Variants in CNTNAP5 observed in about 807,000 individuals in gnomAD.
CNTNAP5 encodes the protein contactin associated protein family member 5.
CNTNAP5 carries 72 observed loss-of-function variants against 150.2 expected under a neutral mutation model. That is an observed-to-expected ratio of 0.48 (90% CI 0.40 to 0.58). The LOEUF (loss-of-function observed/expected upper bound fraction) is 0.58. CNTNAP5 is among the 20% of genes least tolerant of loss of function. CNTNAP5 has a pLI of 0.00. For synonymous variants in CNTNAP5, 672 were observed against 619.8 expected (o/e 1.08, Z -1.25); for missense variants, 1,636 against 1,626.2 (o/e 1.01, Z -0.10).
At chr2:124,689,489 G>T (rs1558736467) in intron 13 of CNTNAP5, among the ~76,000 whole-genome samples, 1 of 152,104 alleles carries the variant, frequency 6.6e-6, no homozygotes, top group Non-Finnish European at 1.5e-5. Flanking sequence ...TCTGGTATTT[G>T]CATGTGTGTC....
intron 11 of CNTNAP5, among the ~76,000 whole-genome samples, chr2:124,605,549 G>A (rs1697083911): frequency 6.6e-6 from 1 of 152,020 alleles, no homozygotes. Flanking sequence ...GAGTGTGGTG[G>A]CTCACACCTG....
intron 1 of CNTNAP5, among the ~76,000 whole-genome samples, chr2:124,102,877 T>G (rs1683095312): frequency 6.6e-6 from 1 of 152,186 alleles, no homozygotes; most frequent in Admixed American, 6.5e-5. Flanking sequence ...ACAATAAATA[T>G]TAGCTCTTCT....
At chr2:124,147,676 T>C (rs373895535) in intron 1 of CNTNAP5, among the ~76,000 whole-genome samples, 4 of 152,268 alleles carry the variant, frequency 2.6e-5, no homozygotes, top group Admixed American at 2.0e-4. Flanking sequence ...AACAGCTCCA[T>C]TGAGGGGATG....
In CNTNAP5 at chr2:124,680,201, A is replaced by G. The variant is rs185457902; in HGVS notation, c.2077+32243A>G. On this transcript the variant is annotated intron_variant, in intron 13 of 23. Coordinates refer to ENST00000682447, the MANE Select transcript of CNTNAP5 (RefSeq NM_001367498.1). ...TCCCTCAAGGTTCAGCATAAATGTC[A>G]TGTACTCTGGAAGGTCTTCTTGAAT... 7.2e-4 allele frequency among the ~76,000 whole-genome samples: 110 copies of G among 151,934 alleles called. 1 individual carries two copies. The highest frequency in any genetic ancestry group is 1.5e-4 in the Non-Finnish European group (10 of 68,020).
rs1681016676 is a variant in CNTNAP5, at chr2:124,764,066, T to G, written c.2452T>G (p.Phe818Val). ...TGCGGAATTCAGTGCCGATATTTCC[T>G]TCTTTTTTAAAACCACAGCATTATC... ...FHAEFSADIS[F>V]FFKTTALSGV... The change falls in exon 16 of 24, where the codon TTC becomes GTC. Residue 818 changes from phenylalanine (F) to valine (V), a missense_variant. By Grantham distance (50) the Phe-to-Val change is conservative. Coordinates refer to ENST00000682447, the MANE Select transcript of CNTNAP5 (RefSeq NM_001367498.1). The G allele has an allele frequency of 6.2e-7, 1 of 1,613,250 alleles. No individual in the cohort carries two copies. The highest frequency in any genetic ancestry group is 8.5e-7 in the Non-Finnish European group (1 of 1,179,450).
intron 11 of CNTNAP5, among the ~76,000 whole-genome samples, chr2:124,564,595 C>G (rs1695970940): frequency 6.6e-6 from 1 of 152,074 alleles, no homozygotes; most frequent in South Asian, 2.1e-4. Flanking sequence ...ACCTCGTGTT[C>G]CGCCTGCCTC....
intron 6 of CNTNAP5, among the ~76,000 whole-genome samples, chr2:124,451,815 G>T (rs1692988810): frequency 6.6e-6 from 1 of 152,128 alleles, no homozygotes; most frequent in South Asian, 2.1e-4. Flanking sequence ...TAGATTACGG[G>T]AGAAGATTTT....
At position 124,142,154 on chromosome 2, in the gene CNTNAP5, C is replaced by T. The variant is rs553837057; in HGVS notation, c.83-79551C>T. Among the ~76,000 whole-genome samples, 205 of 125,702 alleles carry T rather than the reference C, an allele frequency of 1.6e-3. 1 individual carries two copies. The highest frequency in any genetic ancestry group is 2.7e-3 in the Non-Finnish European group (161 of 60,592). The allele number at this position is 125,702 out of a possible 152,430, so 82.5% of individuals were successfully genotyped here. On this transcript the variant is annotated intron_variant, in intron 1 of 23. Coordinates refer to ENST00000682447, the MANE Select transcript of CNTNAP5 (RefSeq NM_001367498.1). The stretch of plus-strand genomic sequence containing the variant: ...GATTCATAAAGCAAGTCCTGAGTGA[C>T]CTACAAAGAGACTTAGACTCCCACA...
At chr2:124,385,312 T>C (rs779148894) in intron 3 of CNTNAP5, among the ~76,000 whole-genome samples, 1 of 152,176 alleles carries the variant, frequency 6.6e-6, no homozygotes, top group African/African-American at 2.4e-5. Flanking sequence ...ATGTGCCTAT[T>C]ATTCACTGTG....
chr2:124,077,574 C>T (rs1439135), intron 1 of CNTNAP5, among the ~76,000 whole-genome samples: 42,516 of 152,094 alleles, frequency 0.28, 6,362 homozygotes, highest in Admixed American at 0.36. Context: ...GTGTTCACTA[C>T]AGGAAGCCTA....
At chr2:124,721,514 T>TAAATAAATAAATAAATAAATAAATA (rs778612928) in intron 13 of CNTNAP5, among the ~76,000 whole-genome samples, 133 of 148,734 alleles carry the variant, frequency 8.9e-4, no homozygotes, top group African/African-American at 3.2e-3. Context: ...AATAAATACA[T>TAAATAAATAAATAAATAAATAAATA]AAATAAATAT....
intron 21 of CNTNAP5, among the ~76,000 whole-genome samples, chr2:124,885,455 A>G (rs1678059379): frequency 1.3e-5 from 2 of 151,888 alleles, no homozygotes; most frequent in African/African-American, 4.8e-5. Flanking sequence ...AACGCACATA[A>G]AATTAACCAT....
chr2:124,619,094 G>A (rs762221548), intron 12 of CNTNAP5, among the ~76,000 whole-genome samples: 4 of 152,104 alleles, frequency 2.6e-5, no homozygotes, highest in African/African-American at 9.7e-5. Flanking sequence ...GGTAGTTCTC[G>A]GCTTCATACC....
At chr2:124,632,858 A>G (rs1677892923) in intron 12 of CNTNAP5, among the ~76,000 whole-genome samples, 1 of 152,172 alleles carries the variant, frequency 6.6e-6, no homozygotes, top group Non-Finnish European at 1.5e-5. Context: ...GTCATGGCAG[A>G]AAGGGAAGCA....
chr2:124,880,616 G>A (rs1411581652), intron 21 of CNTNAP5, among the ~76,000 whole-genome samples: 1 of 151,930 alleles, frequency 6.6e-6, no homozygotes, highest in African/African-American at 2.4e-5. Flanking sequence ...CCCTAACATT[G>A]TTTGTAGATA....
chr2:124,164,649 AT>A (rs1435222510), intron 1 of CNTNAP5, among the ~76,000 whole-genome samples: 1 of 152,178 alleles, frequency 6.6e-6, no homozygotes, highest in African/African-American at 2.4e-5. Context: ...CACTAAAGTG[AT>A]TGGAAATACG....
chr2:124,506,785 C>A (rs1480431700), intron 8 of CNTNAP5, among the ~76,000 whole-genome samples: 1 of 152,060 alleles, frequency 6.6e-6, no homozygotes, highest in Non-Finnish European at 1.5e-5. Flanking sequence ...AATCCAGGGA[C>A]AACTTGGCTG....
chr2:124,191,912 A>G (rs1558794370), intron 1 of CNTNAP5, among the ~76,000 whole-genome samples: 4 of 151,716 alleles, frequency 2.6e-5, no homozygotes, highest in Admixed American at 6.6e-5. Context: ...AAAAAAAAAA[A>G]GCAAAGAAAA....
At chr2:124,732,080 A>G (rs530585495) in intron 13 of CNTNAP5, among the ~76,000 whole-genome samples, 39 of 152,224 alleles carry the variant, frequency 2.6e-4, no homozygotes, top group African/African-American at 9.1e-4. Context: ...AATGTATTAC[A>G]ATGCAAAATA....
Sources: allele counts gnomAD v4.1 joint callset (sites outside exome capture counted in the v4.1 genomes callset), GRCh38; gene constraint gnomAD v4.1.1; transcripts MANE v1.5; gene names NCBI Gene and HGNC (gene_info 2026-07-23, HGNC 2026-07-21).